Variants in ASCC3 observed in about 807,000 individuals in gnomAD.
The protein encoded by ASCC3 is activating signal cointegrator 1 complex subunit 3.
Under a neutral mutation model 256.3 loss-of-function variants are expected in ASCC3, and 158 were observed. The observed-to-expected ratio is 0.62, with a 90% CI of 0.54 to 0.70. The LOEUF is 0.70. Ranked by LOEUF, ASCC3 falls within the 30% of genes least tolerant of loss-of-function variation. The pLI is 0.00. For synonymous variants in ASCC3, 948 were observed against 883.4 expected, an observed-to-expected ratio of 1.07 and a Z score of -1.30; for missense variants, 2,259 against 2,626.0, an observed-to-expected ratio of 0.86 and a Z score of 3.05.
At chr6:100,768,286 C>T (rs565920286) in intron 8 of ASCC3, among the ~76,000 whole-genome samples, 2 of 152,082 alleles carry the variant, frequency 1.3e-5, no homozygotes, top group East Asian at 3.9e-4. Flanking sequence ...TATTACTTCC[C>T]TTTAATCAAA....
intron 17 of ASCC3, 77 bp downstream of exon 17, chr6:100,655,622 A>G: frequency 1.3e-6 from 2 of 1,522,750 alleles, no homozygotes; most frequent in Non-Finnish European, 1.8e-6. Flanking sequence ...AAGAGCAGCA[A>G]ACAAATATCT....
At chr6:100,854,106 T>C (rs1229766575) in intron 3 of ASCC3, among the ~76,000 whole-genome samples, 2 of 151,696 alleles carry the variant, frequency 1.3e-5, no homozygotes, top group Non-Finnish European at 2.9e-5. Context: ...AAAACTCAGA[T>C]ACAAACAGAT....
chr6:100,716,019 T>C (rs539413197), intron 12 of ASCC3, among the ~76,000 whole-genome samples: 3 of 151,910 alleles, frequency 2.0e-5, no homozygotes, highest in Admixed American at 6.6e-5. Flanking sequence ...ATTTCTGTAA[T>C]GTATATTGAG....
chr6:100,726,368 C>T lies in ASCC3; in HGVS notation c.1738-665G>A, dbSNP rs1012510499. Among the ~76,000 whole-genome samples the T allele has an allele frequency of 7.2e-5, 11 of 152,020 alleles. No individual in the cohort carries two copies. In the South Asian group the frequency reaches 2.1e-3, roughly 29 times the overall value. On this transcript the variant is annotated intron_variant, in intron 10 of 41. Coordinates refer to ENST00000369162, the MANE Select transcript of ASCC3 (RefSeq NM_006828.4). ...ATTAAATTACAATAATAAATACAAA[C>T]GTGGCCATCTACCTCACCACCAACT...
intron 36 of ASCC3, among the ~76,000 whole-genome samples, chr6:100,571,311 T>C: frequency 6.6e-6 from 1 of 152,234 alleles, no homozygotes; most frequent in East Asian, 1.9e-4. Context: ...AAATATCATC[T>C]TCTCAGAATG....
intron 3 of ASCC3, among the ~76,000 whole-genome samples, chr6:100,860,158 CTTTAT>C (rs1028904387): frequency 4.6e-5 from 7 of 151,148 alleles, no homozygotes; most frequent in Non-Finnish European, 8.8e-5. Flanking sequence ...GTCTTGACTT[CTTTAT>C]TTTAAAAAGT....
In ASCC3 at chr6:100,868,045, C is replaced by T. The variant is rs1389502944; in HGVS notation, c.-41-7G>A. The T allele has an allele frequency of 2.9e-6, 4 of 1,380,470 alleles. 1 individual carries two copies. The South Asian group carries it at 3.5e-5, about 12-fold the overall frequency. The allele number at this position is 1,380,470 out of a possible 1,614,324, so 85.5% of individuals were successfully genotyped here. On this transcript the variant is annotated splice_region_variant and splice_polypyrimidine_tract_variant and intron_variant, in intron 1 of 41. Transcript: ENST00000369162. ...TACAGCAAGAAACCTGAAACTGAAA[C>T]AAAACAAGATGATATTTATCTGTTC...
At chr6:100,819,213 T>C (rs977182566) in intron 4 of ASCC3, among the ~76,000 whole-genome samples, 5 of 151,948 alleles carry the variant, frequency 3.3e-5, no homozygotes, top group Non-Finnish European at 7.4e-5. Context: ...GTACCTAAGG[T>C]AAATGAAGAG....
chr6:100,624,095 A>T (rs180680881), intron 30 of ASCC3, among the ~76,000 whole-genome samples: 6 of 152,074 alleles, frequency 3.9e-5, no homozygotes, highest in Admixed American at 3.3e-4. Context: ...GTACACATGT[A>T]CCCTAAAACT....
At chr6:100,511,670 T>G (rs1366677921) in intron 40 of ASCC3, among the ~76,000 whole-genome samples, 1 of 151,898 alleles carries the variant, frequency 6.6e-6, no homozygotes, top group Non-Finnish European at 1.5e-5. Flanking sequence ...GAGGTGGAGG[T>G]TGCAGTGAGC....
intron 2 of ASCC3, among the ~76,000 whole-genome samples, chr6:100,866,935 A>C (rs749135647): frequency 7.9e-5 from 12 of 152,172 alleles, no homozygotes; most frequent in Admixed American, 2.6e-4. Flanking sequence ...CATGTCTAGA[A>C]TTTTCTGGAA....
chr6:100,700,633 G>T (rs902395403), intron 13 of ASCC3, among the ~76,000 whole-genome samples: 10 of 152,228 alleles, frequency 6.6e-5, no homozygotes, highest in Non-Finnish European at 1.5e-4. Flanking sequence ...TCAAGGCCAT[G>T]GGAGCCCACC....
At chr6:100,683,810 A>G (rs1271305144) in intron 13 of ASCC3, among the ~76,000 whole-genome samples, 1 of 108,460 alleles carries the variant, frequency 9.2e-6, no homozygotes, top group Non-Finnish European at 1.9e-5. Context: ...TATTTTATAT[A>G]CTATTTTTAG....
intron 8 of ASCC3, among the ~76,000 whole-genome samples, chr6:100,788,804 A>T (rs972366151): frequency 6.6e-6 from 1 of 152,046 alleles, no homozygotes; most frequent in Non-Finnish European, 1.5e-5. Context: ...CATTTTGGAA[A>T]AGTCAAAACC....
At chr6:100,682,405 A>G (rs2114969374) in intron 13 of ASCC3, among the ~76,000 whole-genome samples, 1 of 152,352 alleles carries the variant, frequency 6.6e-6, no homozygotes, top group South Asian at 2.1e-4. Flanking sequence ...TGTGTAAAAC[A>G]GAGTTAAAAA....
intron 3 of ASCC3, among the ~76,000 whole-genome samples, chr6:100,850,505 G>T (rs1259271915): frequency 6.6e-6 from 1 of 152,108 alleles, no homozygotes; most frequent in Non-Finnish European, 1.5e-5. Context: ...GCTCCACAAA[G>T]ATTAGTTGAT....
At chr6:100,597,879 C>CA (rs1386905929) in intron 34 of ASCC3, among the ~76,000 whole-genome samples, 1 of 144,702 alleles carries the variant, frequency 6.9e-6, no homozygotes, top group Non-Finnish European at 1.5e-5. Flanking sequence ...GAGGCTGAGG[C>CA]AGGAGAATGG....
At chr6:100,814,389 T>A (rs1770639684) in intron 4 of ASCC3, among the ~76,000 whole-genome samples, 1 of 152,146 alleles carries the variant, frequency 6.6e-6, no homozygotes, top group Non-Finnish European at 1.5e-5. Context: ...GATATAGGCC[T>A]GAAGTTTTCT....
At chr6:100,638,958 T>C (rs1479571885) in intron 24 of ASCC3, 137 bp from the exon 25 acceptor site, 8 of 725,580 alleles carry the variant, frequency 1.1e-5, no homozygotes, top group South Asian at 6.4e-5. Context: ...TATATACCCA[T>C]TACAGATCTG....
Sources: allele counts gnomAD v4.1 joint callset (sites outside exome capture counted in the v4.1 genomes callset), GRCh38; gene constraint gnomAD v4.1.1; transcripts MANE v1.5; gene names NCBI Gene and HGNC (gene_info 2026-07-23, HGNC 2026-07-21).